DYRK2: variants seen among roughly 807,000 people sequenced by gnomAD.
DYRK2 encodes dual specificity tyrosine-phosphorylation-regulated kinase 2.
DYRK2 carries 12 observed loss-of-function variants against 41.6 expected under a neutral mutation model. That is an observed-to-expected ratio of 0.29 (90% CI 0.18 to 0.47). The LOEUF (loss-of-function observed/expected upper bound fraction) is 0.47. Ranked by LOEUF, DYRK2 falls within the 20% of genes least tolerant of loss-of-function variation. DYRK2 has a pLI of 1.00. For missense variants in DYRK2, 678 were observed against 798.4 expected (o/e 0.85, Z 1.82); for synonymous variants, 322 against 315.7 (o/e 1.02, Z -0.21).
rs563288978 is a variant in DYRK2 at position 67,652,899 on chromosome 12, G to T, written c.198+2954G>T. ...GGCTGGAGTGCAGTGGCTCCATCTC[G>T]GCTCACTGCAACCTCCGCCTCCGGG... On this transcript the variant is annotated intron_variant, in intron 2 of 2. Coordinates refer to ENST00000344096, the MANE Select transcript of DYRK2 (RefSeq NM_006482.3). Among the ~76,000 whole-genome samples the T allele has an allele frequency of 4.6e-5, 7 of 152,082 alleles. No individual in the cohort carries two copies. The East Asian group carries it at 1.4e-3, about 29-fold the overall frequency.
In DYRK2 at chr12:67,658,768, TG is replaced by T; in HGVS notation, c.*58del. 6.5e-7 allele frequency: 1 copy of T among 1,531,356 alleles called. No homozygotes were observed. The highest frequency in any genetic ancestry group is 8.8e-7 in the Non-Finnish European group (1 of 1,139,696). 94.9% of individuals were successfully genotyped at this position (1,531,356 alleles called of 1,614,324 possible). On this transcript the variant is annotated 3_prime_UTR_variant, in exon 3 of 3. Coordinates refer to ENST00000344096, the MANE Select transcript of DYRK2 (RefSeq NM_006482.3). This position sits in a 1 kb window ranked among gnomAD's most constrained non-coding sequence, Gnocchi z 4.3. ...AAGATACGACATTGCTGAGCCTTAC[TG>T]GGTTGAAAAGGAGTAGCTCAGACCT...
chr12:67,658,776 AAAG>A lies in DYRK2; in HGVS notation c.*64_*66del. 1 of 1,516,330 alleles carries A rather than the reference AAAG, an allele frequency of 6.6e-7. No homozygotes were observed. Among genetic ancestry groups the A allele is most frequent in the Non-Finnish European group, 8.9e-7 (1 of 1,129,398 alleles). 93.9% of individuals were successfully genotyped at this position (1,516,330 alleles called of 1,614,324 possible). A position where few individuals can be genotyped will look rare whatever the true frequency, so the allele number is the denominator to read the frequency against. On this transcript the variant is annotated 3_prime_UTR_variant, in exon 3 of 3. Transcript: ENST00000344096. This position sits in a 1 kb window ranked among gnomAD's most constrained non-coding sequence, Gnocchi z 4.3. ...ACATTGCTGAGCCTTACTGGGTTGA[AAAG>A]GAGTAGCTCAGACCTGTTTTTATTT...
chr12:67,650,095 C>A (rs559803351), intron 2 of DYRK2, 150 bp downstream of exon 2: 10 of 913,538 alleles, frequency 1.1e-5, no homozygotes, highest in Non-Finnish European at 1.3e-5. Context: ...TCGTCGACGC[C>A]GCCCTGGTTA....
At chr12:67,649,607 A>C in intron 1 of DYRK2, 190 bp from the exon 2 acceptor site, 1 of 653,612 alleles carries the variant, frequency 1.5e-6, no homozygotes, top group Non-Finnish European at 2.2e-6. Flanking sequence ...TTAACTTTGC[A>C]GCTGCCCGCG....
rs1417252513 is a variant in DYRK2 at position 67,659,499 on chromosome 12, C to G, written c.*786C>G. On this transcript the variant is annotated 3_prime_UTR_variant, in exon 3 of 3. Coordinates refer to ENST00000344096, the MANE Select transcript of DYRK2 (RefSeq NM_006482.3). ...ATGAACTGTTCCTCCCTTTTCTCTG[C>G]TTTTCTCCTCTCTGTTCCTCTTTTA... The G allele has an allele frequency of 6.0e-6, 1 of 167,082 alleles. No individual in the cohort carries two copies. The highest frequency in any genetic ancestry group is 2.4e-5 in the African/African-American group (1 of 41,426). 10.3% of individuals were successfully genotyped at this position (167,082 alleles called of 1,614,324 possible).
At chr12:67,649,256 C>T (rs981632093) in intron 1 of DYRK2, 74 bp downstream of exon 1, 32 of 1,197,590 alleles carry the variant, frequency 2.7e-5, no homozygotes, top group Non-Finnish European at 3.4e-5. Context: ...GCGCGGGCGG[C>T]CGCTGCCTGC....
Position 67,649,195 on chromosome 12 carries a change from T to A in DYRK2, c.49+13T>A. The A allele has an allele frequency of 6.7e-7, 1 of 1,493,108 alleles. No homozygotes were observed. The highest frequency in any genetic ancestry group is 1.3e-5 in the South Asian group (1 of 78,896). 92.5% of individuals were successfully genotyped at this position (1,493,108 alleles called of 1,614,324 possible). Reference sequence around the variant, plus strand: ...GCCTACCCGACCGGTAAGGAGGCCGTGCCGCCGCGCCGCATCCCCGGACCC... The same window carrying A: ...GCCTACCCGACCGGTAAGGAGGCCGAGCCGCCGCGCCGCATCCCCGGACCC... On this transcript the variant is annotated intron_variant, in intron 1 of 2. Transcript: ENST00000344096.
intron 1 of DYRK2, chr12:67,649,570 T>A: frequency 2.2e-6 from 1 of 458,236 alleles, no homozygotes; most frequent in Non-Finnish European, 3.5e-6. Flanking sequence ...CCCCGCCGGG[T>A]CGCGAACTCG....
chr12:67,660,375 T>G lies in DYRK2; in HGVS notation c.*1662T>G, dbSNP rs1872590544. Reference sequence around the variant, plus strand: ...GTTTATCTTAAGAAAAAAAAAAAGGTTTGAAAAAAACACTTTAATTTAGGC... The same window carrying G: ...GTTTATCTTAAGAAAAAAAAAAAGGGTTGAAAAAAACACTTTAATTTAGGC... On this transcript the variant is annotated 3_prime_UTR_variant, in exon 3 of 3. Coordinates refer to ENST00000344096, the MANE Select transcript of DYRK2 (RefSeq NM_006482.3). 6.0e-6 allele frequency: 1 copy of G among 166,000 alleles called. No individual in the cohort carries two copies. The highest frequency in any genetic ancestry group is 1.9e-4 in the East Asian group (1 of 5,174). The allele number at this position is 166,000 out of a possible 1,614,324, so 10.3% of individuals were successfully genotyped here. A position where few individuals can be genotyped will look rare whatever the true frequency, so the allele number is the denominator to read the frequency against.
chr12:67,649,681 C>T (rs1872249850), intron 1 of DYRK2, 116 bp from the exon 2 acceptor site: 3 of 1,164,224 alleles, frequency 2.6e-6, no homozygotes, highest in Non-Finnish European at 3.2e-6. Flanking sequence ...GCCCCGGTCT[C>T]TTCCTCCGTC....
At position 67,658,239 on chromosome 12, in the gene DYRK2, A is replaced by T. The variant is rs1240844937; in HGVS notation, c.1332A>T (p.Lys444Asn). ...AACTGTTGGGCATGCCCTCACAGAAACTGCTGGATGCATCCAAACGAGCCA... is the reference window on the plus strand; with the variant it reads ...AACTGTTGGGCATGCCCTCACAGAATCTGCTGGATGCATCCAAACGAGCCA... The part of the protein sequence containing the change: ...MIELLGMPSQ[K>N]LLDASKRAKN... Residue 444 changes from lysine to asparagine, a missense_variant, in exon 3 of 3, where the codon AAA becomes AAT. Around this residue, in one of 2 missense-constraint regions of DYRK2, gnomAD observed 393 missense variants for 519.1 expected, o/e 0.76. Transcript: ENST00000344096. This position sits in a 1 kb window ranked among gnomAD's most constrained non-coding sequence, Gnocchi z 4.3. The T allele has an allele frequency of 1.4e-5, 23 of 1,614,036 alleles. No homozygotes were observed. The Admixed American group carries it at 3.8e-4, about 27-fold the overall frequency.
chr12:67,651,320 C>T, intron 2 of DYRK2: 1 of 253,418 alleles, frequency 3.9e-6, no homozygotes, highest in Non-Finnish European at 7.8e-6. Context: ...AAATATAATA[C>T]CCAGTTTTTT....
In DYRK2 at chr12:67,658,515, G is replaced by A; in HGVS notation, c.1608G>A (p.Arg536=). 2 of 1,612,788 alleles carry A rather than the reference G, an allele frequency of 1.2e-6. No homozygotes were observed. The highest frequency in any genetic ancestry group is 1.7e-6 in the Non-Finnish European group (2 of 1,179,266). Residue 536 remains arginine, a synonymous_variant, in exon 3 of 3, where the codon AGG becomes AGA. Transcript: ENST00000344096. The surrounding 1 kb of genome is among the most constrained non-coding windows in gnomAD (Gnocchi z 4.3). ...PGQALRHPWL[R]RRLPKPPTGE... ...AGGCTTTGCGGCACCCCTGGCTGAG[G>A]AGGCGGTTGCCAAAGCCTCCCACCG...
At position 67,665,187 on chromosome 12, in the gene DYRK2, T is replaced by G. The variant is rs1872714007; in HGVS notation, c.*6474T>G. On this transcript the variant is annotated 3_prime_UTR_variant, in exon 3 of 3. Transcript: ENST00000344096. ...AAATATTGTGTCTTTCCTTGCTTTT[T>G]ATCCCAATTTATCTCCCCTCCTAAG... 6.6e-6 allele frequency: 1 copy of G among 152,190 alleles called. No homozygotes were observed. The highest frequency in any genetic ancestry group is 6.5e-5 in the Admixed American group (1 of 15,284). 9.4% of individuals were successfully genotyped at this position (152,190 alleles called of 1,614,324 possible).
At chr12:67,654,827 G>A (rs770192475) in intron 2 of DYRK2, among the ~76,000 whole-genome samples, 1 of 152,184 alleles carries the variant, frequency 6.6e-6, no homozygotes, top group Admixed American at 6.5e-5. Context: ...CCACTCAGGA[G>A]ATAGCACCTT....
At chr12:67,649,981 G>A (rs1004438125) in intron 2 of DYRK2, 36 bp downstream of exon 2, 1 of 1,315,412 alleles carries the variant, frequency 7.6e-7, no homozygotes, top group Admixed American at 4.1e-5. Flanking sequence ...GGGCGGTGGG[G>A]GCGGGAGGGG....
rs777428293 is a variant in DYRK2 at position 67,658,246 on chromosome 12, G to T, written c.1339G>T (p.Asp447Tyr). 1 of 1,614,044 alleles carries T rather than the reference G, an allele frequency of 6.2e-7. No homozygotes were observed. Among genetic ancestry groups the T allele is most frequent in the Admixed American group, 1.7e-5 (1 of 60,000 alleles). Residue 447 changes from aspartate (D) to tyrosine (Y), a missense_variant, in exon 3 of 3, where the codon GAT (aspartate) becomes TAT (tyrosine). By Grantham distance (160) the Asp-to-Tyr change is radical (BLOSUM62 -3). Around this residue, in one of 2 missense-constraint regions of DYRK2, gnomAD observed 393 missense variants for 519.1 expected, o/e 0.76. Transcript: ENST00000344096. This position sits in a 1 kb window ranked among gnomAD's most constrained non-coding sequence, Gnocchi z 4.3. ...LLGMPSQKLLDASKRAKNFVS... is the reference protein window; with the variant it reads ...LLGMPSQKLLYASKRAKNFVS... ...GGGCATGCCCTCACAGAAACTGCTG[G>T]ATGCATCCAAACGAGCCAAAAATTT... is the stretch of plus-strand genomic sequence containing the variant.
At chr12:67,650,587 G>A (rs1872292753) in intron 2 of DYRK2, among the ~76,000 whole-genome samples, 1 of 152,244 alleles carries the variant, frequency 6.6e-6, no homozygotes, top group Admixed American at 6.5e-5. Flanking sequence ...CAAAAGGAAA[G>A]GGCAAGCGTT....
chr12:67,652,886 G>C (rs2120818134), intron 2 of DYRK2, among the ~76,000 whole-genome samples: 1 of 152,310 alleles, frequency 6.6e-6, no homozygotes, highest in South Asian at 2.1e-4. Context: ...CTGGAGTGCA[G>C]TGGCTCCATC....
Sources: gnomAD v4.1 joint callset for allele counts (sites outside exome capture counted in the v4.1 genomes callset) on GRCh38, gnomAD v4.1.1 for gene constraint, gnomAD v4.1.1 regional missense constraint, Gnocchi (gnomAD v3.1) non-coding constraint, MANE v1.5 for transcripts, NCBI Gene and HGNC (gene_info 2026-07-23, HGNC 2026-07-21) for gene names.